DUOX2: variants seen among roughly 807,000 people sequenced by gnomAD.
DUOX2 encodes the protein dual oxidase 2.
DUOX2 carries 185 observed loss-of-function variants against 183.3 expected under a neutral mutation model. That is an observed-to-expected ratio of 1.01 (90% CI 0.90 to 1.14). The LOEUF (loss-of-function observed/expected upper bound fraction) is 1.14. Among genes scored for constraint, DUOX2 ranks in the 50% most tolerant of loss-of-function variants. DUOX2 has a pLI of 0.00. For missense variants in DUOX2, 1,999 were observed against 2,022.9 expected (o/e 0.99, Z 0.23); for synonymous variants, 788 against 812.4 (o/e 0.97, Z 0.51).
chr15:45,100,382 C>T (rs1183841881), intron 23 of DUOX2, 154 bp from the exon 24 acceptor site: 1 of 682,962 alleles, frequency 1.5e-6, no homozygotes, highest in Admixed American at 2.8e-5. Context: ...TCTTCCTCCT[C>T]CAACCCTTTA....
intron 23 of DUOX2, among the ~76,000 whole-genome samples, 167 bp downstream of exon 23, chr15:45,100,588 A>C (rs569804789): frequency 3.3e-5 from 5 of 152,286 alleles, no homozygotes; most frequent in African/African-American, 1.2e-4. Flanking sequence ...CAGAGGCTGG[A>C]AGAGGATGAA....
rs539917064 is a variant in DUOX2, at chr15:45,092,897, A to C, written c.*1253T>G. Reference sequence around the variant, plus strand: ...TAGGACCAAAACTGGATTTGGTAGAAATCACATCAGTGGTTGCTTCTAGGA... The same window carrying C: ...TAGGACCAAAACTGGATTTGGTAGACATCACATCAGTGGTTGCTTCTAGGA... On this transcript the variant is annotated 3_prime_UTR_variant, in exon 34 of 34. Coordinates refer to ENST00000389039, the MANE Select transcript of DUOX2 (RefSeq NM_001363711.2). The C allele has an allele frequency of 6.6e-6, 1 of 152,334 alleles. No homozygotes were observed. Among genetic ancestry groups the C allele is most frequent in the South Asian group, 2.1e-4 (1 of 4,828 alleles). 9.4% of individuals were successfully genotyped at this position (152,334 alleles called of 1,614,324 possible).
intron 26 of DUOX2, chr15:45,098,978 A>T (rs922617715): frequency 4.0e-6 from 1 of 248,198 alleles, no homozygotes; most frequent in African/African-American, 2.3e-5. Flanking sequence ...TGTTGGGCTT[A>T]CAGGTGTGAG....
chr15:45,107,247 C>G, intron 14 of DUOX2, 98 bp downstream of exon 14: 3 of 1,492,508 alleles, frequency 2.0e-6, no homozygotes, highest in South Asian at 1.1e-5. Flanking sequence ...ACAGAAGGTG[C>G]CTGGCTCCCT....
chr15:45,112,052 G>C (rs1281558182), intron 4 of DUOX2, 97 bp from the exon 5 acceptor site: 2 of 1,473,322 alleles, frequency 1.4e-6, no homozygotes, highest in East Asian at 2.5e-5. Flanking sequence ...CCAAAAGACA[G>C]AGGTCCCAGT....
At chr15:45,094,762 C>A in intron 32 of DUOX2, 71 bp from the exon 33 acceptor site, 1 of 1,605,078 alleles carries the variant, frequency 6.2e-7, no homozygotes, top group East Asian at 2.2e-5. Context: ...GCCCACATAG[C>A]CCAAGAGACA....
chr15:45,106,661 A>C lies in DUOX2; in HGVS notation c.1832-20T>G. The C allele has an allele frequency of 6.2e-7, 1 of 1,613,492 alleles. No homozygotes were observed. Among genetic ancestry groups the C allele is most frequent in the Non-Finnish European group, 8.5e-7 (1 of 1,179,396 alleles). ...GACTCACTGAAGTGGATCAGAAGGA[A>C]CAGTGAGGAGGGAGCCCCTCACCTA... On this transcript the variant is annotated intron_variant, in intron 15 of 33. Coordinates refer to ENST00000389039, the MANE Select transcript of DUOX2 (RefSeq NM_001363711.2).
chr15:45,109,219 C>T lies in DUOX2; in HGVS notation c.1235-267G>A, dbSNP rs962799827. ...CAGTAAATTCCCTGTCCTATGCCTC[C>T]CTAGTTTCAAGACAGGGCTGAATGA... On this transcript the variant is annotated intron_variant, in intron 11 of 33. Transcript: ENST00000389039. 50 of 603,158 alleles carry T rather than the reference C, an allele frequency of 8.3e-5. No individual in the cohort carries two copies. In the Middle Eastern group the frequency reaches 1.7e-3, roughly 21 times the overall value. 37.4% of individuals were successfully genotyped at this position (603,158 alleles called of 1,614,324 possible).
At chr15:45,112,521 A>G in intron 4 of DUOX2, 33 bp downstream of exon 4, 1 of 1,607,074 alleles carries the variant, frequency 6.2e-7, no homozygotes, top group Non-Finnish European at 8.5e-7. Flanking sequence ...AGAGCGCCAG[A>G]TCAACCCCAC....
At chr15:45,101,571 AG>A (rs1329873873) in intron 21 of DUOX2, 6 of 638,336 alleles carry the variant, frequency 9.4e-6, no homozygotes, top group Non-Finnish European at 1.7e-5. Flanking sequence ...GGCTTTGAGC[AG>A]TGTGTAGGAT....
At chr15:45,106,090 G>A (rs763343305) in intron 17 of DUOX2, 35 bp downstream of exon 17, 1 of 1,611,690 alleles carries the variant, frequency 6.2e-7, no homozygotes, top group Admixed American at 1.7e-5. Context: ...GTCGTGTGAG[G>A]GCAGCCCAGG....
At chr15:45,103,235 T>A (rs1894125238) in intron 20 of DUOX2, among the ~76,000 whole-genome samples, 1 of 152,230 alleles carries the variant, frequency 6.6e-6, no homozygotes, top group Admixed American at 6.5e-5. Context: ...AAAATTGAAA[T>A]AATGTGGGCT....
chr15:45,110,139 G>T (rs1894340063), intron 9 of DUOX2, among the ~76,000 whole-genome samples, 159 bp from the exon 10 acceptor site: 1 of 152,140 alleles, frequency 6.6e-6, no homozygotes, highest in South Asian at 2.1e-4. Flanking sequence ...GTTTACTGAA[G>T]ATAGAGTGCG....
In DUOX2 at chr15:45,110,504, G is replaced by C. The variant is rs910326149; in HGVS notation, c.964C>G (p.Pro322Ala). 2 of 1,614,140 alleles carry C rather than the reference G, an allele frequency of 1.2e-6. No individual in the cohort carries two copies. The highest frequency in any genetic ancestry group is 2.2e-5 in the South Asian group (2 of 91,088). Reference protein sequence around the residue: ...EYTGYRPFLDPSISPEFVVAS... With the variant: ...EYTGYRPFLDASISPEFVVAS... ...ACCACAAATTCCGGGGAGATGCTGGGGTCTAGGAAAGGACGGTATCCTGCA... is the reference window on the plus strand; with the variant it reads ...ACCACAAATTCCGGGGAGATGCTGGCGTCTAGGAAAGGACGGTATCCTGCA... Residue 322 changes from proline (P) to alanine (A), a missense_variant, in exon 9 of 34, where the codon CCC becomes GCC. By Grantham distance (27) the Pro-to-Ala change is conservative. Coordinates refer to ENST00000389039, the MANE Select transcript of DUOX2 (RefSeq NM_001363711.2).
In DUOX2 at chr15:45,104,318, G is replaced by C. The variant is rs773547229; in HGVS notation, c.2382C>G (p.Ser794=). Reference sequence around the variant, plus strand: ...TCAGGGCCTCCCGCACCTTCTGGGAGGAGTCCAGGGGCAGGGTCCCTGCGT... The same window carrying C: ...TCAGGGCCTCCCGCACCTTCTGGGACGAGTCCAGGGGCAGGGTCCCTGCGT... ...QADAGTLPLD[S]SQKVREALTC... Residue 794 remains serine (S), a synonymous_variant, in exon 19 of 34, where the codon TCC becomes TCG. Transcript: ENST00000389039. The C allele has an allele frequency of 5.6e-6, 9 of 1,614,050 alleles. No homozygotes were observed. The South Asian group carries it at 7.7e-5, about 14-fold the overall frequency.
chr15:45,110,105 C>G (rs2141155815), intron 9 of DUOX2, 125 bp from the exon 10 acceptor site: 2 of 887,658 alleles, frequency 2.3e-6, no homozygotes, highest in Non-Finnish European at 1.9e-6. Context: ...CTTCCTTGAA[C>G]ACGGCAGAGA....
chr15:45,102,378 G>C (rs1369190732), intron 20 of DUOX2, among the ~76,000 whole-genome samples: 4 of 152,182 alleles, frequency 2.6e-5, no homozygotes, highest in African/African-American at 9.7e-5. Context: ...TCCAGTGGGG[G>C]CACCAGGCAG....
At chr15:45,106,722 T>C (rs1894224427) in intron 15 of DUOX2, 81 bp from the exon 16 acceptor site, 35 of 1,610,228 alleles carry the variant, frequency 2.2e-5, no homozygotes, top group Non-Finnish European at 3.0e-5. Flanking sequence ...GCCCCTCCCT[T>C]CCAGAGGTTC....
Position 45,102,083 on chromosome 15 carries a change from G to A in DUOX2, c.2655-94C>T, listed in dbSNP as rs1894098760. The A allele has an allele frequency of 3.4e-6, 5 of 1,478,602 alleles. No individual in the cohort carries two copies. The Admixed American group carries it at 9.6e-5, about 28-fold the overall frequency. The allele number at this position is 1,478,602 out of a possible 1,614,324, so 91.6% of individuals were successfully genotyped here. A position where few individuals can be genotyped will look rare whatever the true frequency, so the allele number is the denominator to read the frequency against. ...GGCAGGCCCCAGATTATCTAATGTGGTTACCAGTGACCCGGGAAATGGCAC... is the reference window on the plus strand; with the variant it reads ...GGCAGGCCCCAGATTATCTAATGTGATTACCAGTGACCCGGGAAATGGCAC... On this transcript the variant is annotated intron_variant, in intron 20 of 33. Transcript: ENST00000389039.
Sources: allele counts gnomAD v4.1 joint callset (sites outside exome capture counted in the v4.1 genomes callset), GRCh38; gene constraint gnomAD v4.1.1; transcripts MANE v1.5; gene names NCBI Gene and HGNC (gene_info 2026-07-23, HGNC 2026-07-21).